THAP8: variants seen among roughly 807,000 people sequenced by gnomAD.
THAP8 encodes the protein THAP domain containing 8, also known as THAP domain-containing protein 8.
A neutral mutation model predicts 25.0 loss-of-function variants in THAP8; 24 were observed. That is an observed-to-expected ratio of 0.96 (90% confidence interval 0.69 to 1.35). The LOEUF (loss-of-function observed/expected upper bound fraction) is 1.35. THAP8 is among the 40% of genes most tolerant of loss of function. The pLI, the probability that THAP8 is intolerant of heterozygous loss-of-function variation, is 0.00. For synonymous variants in THAP8, 169 were observed against 157.6 expected (o/e 1.07, Z -0.54); for missense variants, 399 against 368.8 (o/e 1.08, Z -0.67).
At position 36,035,541 on chromosome 19, in the gene THAP8, A is replaced by G; in HGVS notation, c.724T>C (p.Cys242Arg). 1 of 1,614,142 alleles carries G rather than the reference A, an allele frequency of 6.2e-7. No homozygotes were observed. Among genetic ancestry groups the G allele is most frequent in the Non-Finnish European group, 8.5e-7 (1 of 1,180,018 alleles). ...PEESQTFTII[C>R]GGPDIAMVLA... ...ACCATGGCTATGTCAGGCCCTCCACAGATGATGGTGAAGGTTTGGGATTCC... is the reference window on the plus strand; with the variant it reads ...ACCATGGCTATGTCAGGCCCTCCACGGATGATGGTGAAGGTTTGGGATTCC... Residue 242 changes from cysteine (C) to arginine (R), a missense_variant, in exon 4 of 4, where the codon TGT (cysteine) becomes CGT (arginine). Physicochemically the swap from Cys to Arg is radical, Grantham distance 180. Coordinates refer to ENST00000292894, the MANE Select transcript of THAP8 (RefSeq NM_152658.3).
chr19:36,037,830 G>C (rs2145427967), intron 3 of THAP8, among the ~76,000 whole-genome samples: 1 of 152,202 alleles, frequency 6.6e-6, no homozygotes, highest in African/African-American at 2.4e-5. Flanking sequence ...AGTAGAGATG[G>C]AGTTTCACCA....
intron 3 of THAP8, among the ~76,000 whole-genome samples, chr19:36,038,594 G>A (rs1456515084): frequency 1.3e-5 from 2 of 152,208 alleles, no homozygotes; most frequent in African/African-American, 4.8e-5. Flanking sequence ...GCTCACTCCT[G>A]TAATACCAGC....
chr19:36,047,351 G>A (rs770557767), intron 1 of THAP8, among the ~76,000 whole-genome samples: 1 of 152,138 alleles, frequency 6.6e-6, no homozygotes, highest in African/African-American at 2.4e-5. Context: ...GCCATTGAAC[G>A]GGGTTTCTGG....
intron 1 of THAP8, among the ~76,000 whole-genome samples, chr19:36,040,748 G>A (rs575655177): frequency 4.0e-5 from 6 of 151,380 alleles, no homozygotes; most frequent in Admixed American, 3.3e-4. Context: ...CCACAGTCCC[G>A]CCCCTCCACT....
intron 1 of THAP8, among the ~76,000 whole-genome samples, chr19:36,041,479 A>G (rs1391155099): frequency 6.6e-6 from 1 of 152,184 alleles, no homozygotes; most frequent in Non-Finnish European, 1.5e-5. Context: ...AGGTGTGGGC[A>G]GGGCAGGGAA....
At chr19:36,037,796 C>T (rs1218362089) in intron 3 of THAP8, among the ~76,000 whole-genome samples, 1 of 152,004 alleles carries the variant, frequency 6.6e-6, no homozygotes, top group African/African-American at 2.4e-5. Flanking sequence ...TGTGCCACCA[C>T]GTCCGGCTAC....
intron 1 of THAP8, among the ~76,000 whole-genome samples, chr19:36,051,343 C>T (rs906594147): frequency 1.3e-5 from 2 of 152,120 alleles, no homozygotes. Flanking sequence ...ACTTTGCAGG[C>T]CTGCTTTCTA....
At chr19:36,045,665 A>G (rs1283940213) in intron 1 of THAP8, 1 of 451,292 alleles carries the variant, frequency 2.2e-6, no homozygotes, top group Non-Finnish European at 4.4e-6. Flanking sequence ...AAATGCCACT[A>G]CAAGTATCCT....
At chr19:36,051,569 A>T (rs2145461503) in intron 1 of THAP8, among the ~76,000 whole-genome samples, 1 of 152,112 alleles carries the variant, frequency 6.6e-6, no homozygotes, top group East Asian at 1.9e-4. Context: ...AGGATGCAGG[A>T]AGAGGAGAGG....
At chr19:36,046,583 CA>C (rs886514672) in intron 1 of THAP8, among the ~76,000 whole-genome samples, 1 of 152,178 alleles carries the variant, frequency 6.6e-6, no homozygotes, top group African/African-American at 2.4e-5. Context: ...AGCAGAACCC[CA>C]GGGCACACAG....
chr19:36,041,033 C>T (rs368446584), intron 1 of THAP8, among the ~76,000 whole-genome samples: 4 of 151,946 alleles, frequency 2.6e-5, no homozygotes, highest in East Asian at 1.9e-4. Flanking sequence ...ACTGGTCAGG[C>T]ATGGCGGTTC....
At chr19:36,038,846 GT>G (rs1220024486) in intron 3 of THAP8, among the ~76,000 whole-genome samples, 1 of 141,454 alleles carries the variant, frequency 7.1e-6, no homozygotes, top group Non-Finnish European at 1.5e-5. Flanking sequence ...GCGAGACTCC[GT>G]CTCAAAAAAA....
intron 3 of THAP8, among the ~76,000 whole-genome samples, chr19:36,037,203 C>T (rs1229353674): frequency 6.6e-6 from 1 of 151,606 alleles, no homozygotes; most frequent in African/African-American, 2.4e-5. Context: ...CCCGCCACCC[C>T]ACACACAGAG....
chr19:36,035,352 G>A lies in THAP8; in HGVS notation c.*88C>T. 2 of 1,517,508 alleles carry A rather than the reference G, an allele frequency of 1.3e-6. No individual in the cohort carries two copies. The highest frequency in any genetic ancestry group is 1.8e-6 in the Non-Finnish European group (2 of 1,121,418). 94.0% of individuals were successfully genotyped at this position (1,517,508 alleles called of 1,614,324 possible). A position where few individuals can be genotyped will look rare whatever the true frequency, so the allele number is the denominator to read the frequency against. On this transcript the variant is annotated 3_prime_UTR_variant, in exon 4 of 4. Coordinates refer to ENST00000292894, the MANE Select transcript of THAP8 (RefSeq NM_152658.3). ...GGAGGCACTGCTACTACCCAGGCGT[G>A]GGCGGTGGGGCTGGGCCAAGCCCAC...
In THAP8 at chr19:36,039,398, C is replaced by A; in HGVS notation, c.597G>T (p.Gln199His). 1 of 1,549,158 alleles carries A rather than the reference C, an allele frequency of 6.5e-7. No individual in the cohort carries two copies. Among genetic ancestry groups the A allele is most frequent in the Non-Finnish European group, 8.7e-7 (1 of 1,149,898 alleles). ...GCTGCTGTGCCAGCCGTTCCAGGGC[C>A]TGCAGCTGCGCCTGGTGCCGCTCCT... ...RCQERHQAQL[Q>H]ALERLAQQLH... Residue 199 changes from glutamine to histidine, a missense_variant, in exon 3 of 4, where the codon CAG becomes CAT. Transcript: ENST00000292894.
chr19:36,044,400 T>C (rs1568553141), intron 1 of THAP8, among the ~76,000 whole-genome samples: 1 of 150,580 alleles, frequency 6.6e-6, no homozygotes, highest in African/African-American at 2.4e-5. Flanking sequence ...AAAATCAGTA[T>C]CAATTCCATA....
At chr19:36,052,264 C>T (rs1358519517) in intron 1 of THAP8, among the ~76,000 whole-genome samples, 3 of 152,228 alleles carry the variant, frequency 2.0e-5, no homozygotes, top group East Asian at 3.9e-4. Flanking sequence ...AGGATGGTCT[C>T]GATCTCCTGA....
chr19:36,040,276 C>T, intron 1 of THAP8, 140 bp from the exon 2 acceptor site: 1 of 793,388 alleles, frequency 1.3e-6, no homozygotes, highest in East Asian at 2.8e-5. Context: ...TGTGCCCAGG[C>T]TTTCTCTATC....
intron 1 of THAP8, among the ~76,000 whole-genome samples, chr19:36,042,498 G>A (rs999112991): frequency 6.6e-6 from 1 of 152,146 alleles, no homozygotes; most frequent in Non-Finnish European, 1.5e-5. Flanking sequence ...AGATATGGTG[G>A]CATGTGCCTA....
Sources: allele counts gnomAD v4.1 joint callset (sites outside exome capture counted in the v4.1 genomes callset), GRCh38; gene constraint gnomAD v4.1.1; transcripts MANE v1.5; gene names NCBI Gene and HGNC (gene_info 2026-07-23, HGNC 2026-07-21).